Variants in PIGB observed in about 807,000 individuals in gnomAD.
The protein encoded by PIGB is phosphatidylinositol glycan anchor biosynthesis class B, also known as GPI alpha-1,2-mannosyltransferase 3.
A neutral mutation model predicts 68.4 loss-of-function variants in PIGB; 58 were observed. The observed-to-expected ratio is 0.85, with a 90% CI of 0.69 to 1.06. PIGB has a LOEUF of 1.06. Among genes scored for constraint, PIGB ranks in the 50% least tolerant of loss-of-function variants. The pLI, the probability that PIGB is intolerant of heterozygous loss-of-function variation, is 0.00. For missense variants in PIGB, 634 were observed against 655.8 expected, an observed-to-expected ratio of 0.97 and a Z score of 0.36; for synonymous variants, 219 against 220.5, an observed-to-expected ratio of 0.99 and a Z score of 0.06.
At chr15:55,324,045 A>G (rs1352452013) in intron 3 of PIGB, among the ~76,000 whole-genome samples, 2 of 152,040 alleles carry the variant, frequency 1.3e-5, no homozygotes, top group Non-Finnish European at 2.9e-5. Context: ...CTGCCACCAC[A>G]CCTGGCTAAT....
intron 10 of PIGB, among the ~76,000 whole-genome samples, chr15:55,354,243 G>C (rs914811021): frequency 2.0e-5 from 3 of 151,920 alleles, no homozygotes; most frequent in African/African-American, 7.3e-5. Flanking sequence ...GGGAGGTGGA[G>C]GTTGCAGTGA....
rs765496842 is a variant in PIGB at position 55,321,432 on chromosome 15, G to A, written c.417+42G>A. Reference sequence around the variant, plus strand: ...GTAACTAAATGATATTGGGGCCATGGAATTTGTTTTTAAAAGGCTACTGTT... The same window carrying A: ...GTAACTAAATGATATTGGGGCCATGAAATTTGTTTTTAAAAGGCTACTGTT... On this transcript the variant is annotated intron_variant, in intron 3 of 11. Coordinates refer to ENST00000164305, the MANE Select transcript of PIGB (RefSeq NM_004855.5). 8 of 1,520,906 alleles carry A rather than the reference G, an allele frequency of 5.3e-6. No individual in the cohort carries two copies. The South Asian group carries it at 7.5e-5, about 14-fold the overall frequency. The allele number at this position is 1,520,906 out of a possible 1,614,324, so 94.2% of individuals were successfully genotyped here. A position where few individuals can be genotyped will look rare whatever the true frequency, so the allele number is the denominator to read the frequency against.
intron 9 of PIGB, among the ~76,000 whole-genome samples, chr15:55,345,427 G>T (rs2055769703): frequency 6.6e-6 from 1 of 152,068 alleles, no homozygotes; most frequent in Non-Finnish European, 1.5e-5. Context: ...ATCGAAGATG[G>T]AAAGATGGCT....
At chr15:55,333,816 TAA>T in intron 5 of PIGB, 49 bp from the exon 6 acceptor site, 1 of 1,348,080 alleles carries the variant, frequency 7.4e-7, no homozygotes, top group Non-Finnish European at 1.0e-6. Context: ...AAATGATAGA[TAA>T]CTTCAAGTTA....
rs1324799814 is a variant in PIGB, at chr15:55,337,787, A to T, written c.795-1480A>T. Among the ~76,000 whole-genome samples the T allele has an allele frequency of 2.6e-5, 4 of 152,212 alleles. No individual in the cohort carries two copies. In the South Asian group the frequency reaches 8.3e-4, roughly 32 times the overall value. Reference sequence around the variant, plus strand: ...GGAAATGGAAGCACAGTGTCCATCAATAGAAGGAATACATACAGTGTGGTA... The same window carrying T: ...GGAAATGGAAGCACAGTGTCCATCATTAGAAGGAATACATACAGTGTGGTA... On this transcript the variant is annotated intron_variant, in intron 6 of 11. Transcript: ENST00000164305.
chr15:55,335,404 T>C (rs2055511964), intron 6 of PIGB, among the ~76,000 whole-genome samples: 1 of 152,214 alleles, frequency 6.6e-6, no homozygotes, highest in South Asian at 2.1e-4. Flanking sequence ...CATTCAGGAA[T>C]TATTTAATCC....
intron 5 of PIGB, among the ~76,000 whole-genome samples, chr15:55,332,935 A>G (rs1444406359): frequency 6.6e-6 from 1 of 152,178 alleles, no homozygotes; most frequent in African/African-American, 2.4e-5. Flanking sequence ...ATGCATATAT[A>G]TTTCACTTGG....
At chr15:55,344,772 T>C (rs75812270) in intron 9 of PIGB, among the ~76,000 whole-genome samples, 8,099 of 152,280 alleles carry the variant, frequency 0.053, 286 homozygotes, top group East Asian at 0.15. Flanking sequence ...TCATTTGTGC[T>C]GACAGAGTTC....
At chr15:55,321,580 T>A in intron 3 of PIGB, among the ~76,000 whole-genome samples, 190 bp downstream of exon 3, 1 of 152,098 alleles carries the variant, frequency 6.6e-6, no homozygotes, top group East Asian at 1.9e-4. Flanking sequence ...GGAATCCTGT[T>A]ATGATGTGCA....
chr15:55,354,360 C>T, intron 10 of PIGB, among the ~76,000 whole-genome samples: 1 of 151,902 alleles, frequency 6.6e-6, no homozygotes, highest in Non-Finnish European at 1.5e-5. Flanking sequence ...CCTATCAGAG[C>T]AGAAAGGGAA....
chr15:55,336,845 C>G (rs1430428304), intron 6 of PIGB, among the ~76,000 whole-genome samples: 1 of 152,044 alleles, frequency 6.6e-6, no homozygotes, highest in African/African-American at 2.4e-5. Flanking sequence ...AAAAAATTAG[C>G]TGGGCATTGT....
intron 3 of PIGB, chr15:55,324,862 T>A: frequency 1.1e-6 from 1 of 937,946 alleles, no homozygotes; most frequent in Non-Finnish European, 1.3e-6. Context: ...TTTTCCTGTA[T>A]TTTACAGGGC....
At chr15:55,339,459 A>G in intron 7 of PIGB, 141 bp downstream of exon 7, 1 of 600,612 alleles carries the variant, frequency 1.7e-6, no homozygotes, top group Non-Finnish European at 2.9e-6. Flanking sequence ...CTTTGGTTCA[A>G]TTTGTTGTGC....
At chr15:55,332,891 A>T (rs921296336) in intron 5 of PIGB, among the ~76,000 whole-genome samples, 2 of 152,238 alleles carry the variant, frequency 1.3e-5, no homozygotes, top group African/African-American at 4.8e-5. Flanking sequence ...ATCCATGATC[A>T]TACAGTTTAT....
At chr15:55,331,983 A>AT (rs980086546) in intron 5 of PIGB, among the ~76,000 whole-genome samples, 63 of 146,876 alleles carry the variant, frequency 4.3e-4, no homozygotes, top group South Asian at 4.1e-3. Context: ...TTTTTATTTT[A>AT]TTTTTTTTTT....
Position 55,340,697 on chromosome 15 carries a change from A to T in PIGB, c.932A>T (p.Tyr311Phe). The part of the protein sequence containing the change: ...TFYGSHPWHW[Y>F]FSQGFPVILG... ...TATGGTTCTCATCCATGGCACTGGT[A>T]CTTCAGTCAAGGATTTCCAGTTATC... Residue 311 changes from tyrosine to phenylalanine, a missense_variant, in exon 8 of 12, where the codon TAC becomes TTC. Physicochemically the swap from Tyr to Phe is conservative, Grantham distance 22. Coordinates refer to ENST00000164305, the MANE Select transcript of PIGB (RefSeq NM_004855.5). 5.0e-6 allele frequency: 8 copies of T among 1,612,334 alleles called. No homozygotes were observed. Among genetic ancestry groups the T allele is most frequent in the Non-Finnish European group, 6.8e-6 (8 of 1,178,936 alleles).
chr15:55,323,159 T>G (rs1342888201), intron 3 of PIGB, among the ~76,000 whole-genome samples: 1 of 152,184 alleles, frequency 6.6e-6, no homozygotes, highest in Non-Finnish European at 1.5e-5. Context: ...ACTCTCATAT[T>G]GATTATTTTA....
At chr15:55,335,688 C>T (rs1451369107) in intron 6 of PIGB, among the ~76,000 whole-genome samples, 1 of 151,996 alleles carries the variant, frequency 6.6e-6, no homozygotes, top group Non-Finnish European at 1.5e-5. Context: ...GGAGCCAAAA[C>T]TTAAAGGAGT....
chr15:55,347,991 T>C (rs933529152), intron 9 of PIGB, among the ~76,000 whole-genome samples: 15 of 134,842 alleles, frequency 1.1e-4, no homozygotes, highest in Admixed American at 7.9e-4. Context: ...TTCTTTTTTT[T>C]TTTTTTTTTT....
Sources: allele counts gnomAD v4.1 joint callset (sites outside exome capture counted in the v4.1 genomes callset), GRCh38; gene constraint gnomAD v4.1.1; transcripts MANE v1.5; gene names NCBI Gene and HGNC (gene_info 2026-07-23, HGNC 2026-07-21).